PHIP: variants seen among roughly 807,000 people sequenced by gnomAD.
PHIP encodes the protein PHIP subunit of CUL4-Ring ligase complex.
PHIP carries 54 observed loss-of-function variants against 236.8 expected under a neutral mutation model. That is an observed-to-expected ratio of 0.23 (90% CI 0.18 to 0.29). The LOEUF (loss-of-function observed/expected upper bound fraction) is 0.29, where lower values mean the gene tolerates loss of function less well. Ranked by LOEUF, PHIP falls within the 10% of genes least tolerant of loss-of-function variation. The pLI, the probability that PHIP is intolerant of heterozygous loss-of-function variation, is 1.00. For synonymous variants in PHIP, 756 were observed against 718.9 expected (o/e 1.05, Z -0.83); for missense variants, 1,370 against 2,190.8 (o/e 0.63, Z 7.48).
intron 9 of PHIP, among the ~76,000 whole-genome samples, chr6:79,022,275 G>A (rs1771157597): frequency 6.6e-6 from 1 of 152,104 alleles, no homozygotes; most frequent in African/African-American, 2.4e-5. Flanking sequence ...AAATGAGTGT[G>A]ATACATGTAA....
intron 39 of PHIP, 152 bp downstream of exon 39, chr6:78,945,148 A>C (rs116682867): frequency 1.6e-4 from 102 of 619,654 alleles, no homozygotes; most frequent in Non-Finnish European, 2.6e-4. Flanking sequence ...CAGTGGCACA[A>C]TAATAGCTCA....
intron 15 of PHIP, among the ~76,000 whole-genome samples, chr6:79,007,685 C>T (rs1464285507): frequency 1.4e-5 from 2 of 138,762 alleles, no homozygotes; most frequent in Non-Finnish European, 3.1e-5. Context: ...TTAAGCACAC[C>T]GTTCATTAGA....
At chr6:79,051,989 G>A (rs1582288810) in intron 6 of PHIP, among the ~76,000 whole-genome samples, 2 of 151,868 alleles carry the variant, frequency 1.3e-5, no homozygotes, top group Non-Finnish European at 2.9e-5. Context: ...GCACCTATAT[G>A]AGCCAAATAT....
chr6:78,980,007 AG>A (rs1413913923), intron 23 of PHIP, among the ~76,000 whole-genome samples: 1 of 152,014 alleles, frequency 6.6e-6, no homozygotes, highest in South Asian at 2.1e-4. Flanking sequence ...GTTAGGGTAA[AG>A]GTCTTTGGAA....
chr6:78,944,065 A>T (rs892307681), intron 39 of PHIP, among the ~76,000 whole-genome samples: 3 of 151,490 alleles, frequency 2.0e-5, no homozygotes, highest in African/African-American at 7.3e-5. Flanking sequence ...CCTAAAGAAG[A>T]CGATATTTTA....
intron 24 of PHIP, among the ~76,000 whole-genome samples, chr6:78,972,748 C>G (rs964608644): frequency 6.6e-6 from 1 of 151,634 alleles, no homozygotes; most frequent in Non-Finnish European, 1.5e-5. Flanking sequence ...CCTCAGGAGC[C>G]GATGCGATGA....
intron 4 of PHIP, among the ~76,000 whole-genome samples, chr6:79,075,004 G>C (rs1257901553): frequency 6.6e-6 from 1 of 152,048 alleles, no homozygotes; most frequent in African/African-American, 2.4e-5. Context: ...TTTCCAGGTA[G>C]AGTAGAAACT....
At chr6:79,059,764 A>G (rs1406798279) in intron 6 of PHIP, among the ~76,000 whole-genome samples, 1 of 151,680 alleles carries the variant, frequency 6.6e-6, no homozygotes, top group Non-Finnish European at 1.5e-5. Context: ...AGTGGAAAAG[A>G]AGCTATGATT....
chr6:79,037,456 T>A (rs1282378902), intron 7 of PHIP, among the ~76,000 whole-genome samples: 1 of 152,170 alleles, frequency 6.6e-6, no homozygotes, highest in Non-Finnish European at 1.5e-5. Context: ...ATTTCCAAGG[T>A]TTTTCCCCAT....
Position 78,970,814 on chromosome 6 carries a change from G to C in PHIP, c.2964C>G (p.Pro988=). The C allele has an allele frequency of 6.2e-7, 1 of 1,609,496 alleles. No homozygotes were observed. Among genetic ancestry groups the C allele is most frequent in the Non-Finnish European group, 8.5e-7 (1 of 1,178,020 alleles). Residue 988 remains proline, a synonymous_variant, in exon 25 of 40, where the codon CCC becomes CCG. Coordinates refer to ENST00000275034, the MANE Select transcript of PHIP (RefSeq NM_017934.7). ...CCATTTTATGCCATGGTTGTTTTTT[G>C]GGATTGATACTATATATTTTATTTT... is the stretch of plus-strand genomic sequence containing the variant. ...ARKNKIYSIN[P]KKQPWHKMEL...
chr6:79,078,147 A>T lies in PHIP; in HGVS notation c.-79T>A. ...CGGGGACGGTGCCGCCGCCTGCCCT[A>T]TAGCTGTCAGTGTGTGTTCACGAGC... is the stretch of plus-strand genomic sequence containing the variant. On this transcript the variant is annotated 5_prime_UTR_variant, in exon 1 of 40. Coordinates refer to ENST00000275034, the MANE Select transcript of PHIP (RefSeq NM_017934.7). 7.0e-7 allele frequency: 1 copy of T among 1,433,216 alleles called. No homozygotes were observed. Among genetic ancestry groups the T allele is most frequent in the Non-Finnish European group, 9.7e-7 (1 of 1,032,124 alleles). The allele number at this position is 1,433,216 out of a possible 1,614,324, so 88.8% of individuals were successfully genotyped here.
At chr6:78,977,432 G>A (rs1165641568) in intron 24 of PHIP, among the ~76,000 whole-genome samples, 3 of 152,072 alleles carry the variant, frequency 2.0e-5, no homozygotes, top group Non-Finnish European at 4.4e-5. Context: ...GCTAGATGAC[G>A]AGTTAGTGGG....
intron 35 of PHIP, among the ~76,000 whole-genome samples, chr6:78,951,827 G>A (rs1174141138): frequency 6.6e-6 from 1 of 152,096 alleles, no homozygotes; most frequent in Non-Finnish European, 1.5e-5. Flanking sequence ...CATATAACTG[G>A]TGCACTGGAC....
At chr6:79,003,896 T>A in intron 15 of PHIP, 38 bp from the exon 16 acceptor site, 1 of 1,438,776 alleles carries the variant, frequency 7.0e-7, no homozygotes, top group Non-Finnish European at 9.5e-7. Context: ...AAACTACCAT[T>A]AAAATGAAAA....
intron 39 of PHIP, among the ~76,000 whole-genome samples, 198 bp downstream of exon 39, chr6:78,945,102 G>A (rs1367279474): frequency 8.5e-6 from 1 of 117,336 alleles, no homozygotes; most frequent in Non-Finnish European, 1.8e-5. Flanking sequence ...TTTTTCTTTT[G>A]AGACAGGGTC....
intron 15 of PHIP, among the ~76,000 whole-genome samples, chr6:79,009,583 C>G (rs1232246828): frequency 6.6e-6 from 1 of 151,862 alleles, no homozygotes. Context: ...CTAAAAAGAC[C>G]ACGTCTTATT....
intron 4 of PHIP, among the ~76,000 whole-genome samples, chr6:79,071,769 C>T (rs958059988): frequency 2.0e-5 from 3 of 152,000 alleles, no homozygotes; most frequent in Non-Finnish European, 1.5e-5. Context: ...ATTACTTGTT[C>T]AGAGTAAGTT....
At chr6:79,018,974 T>C (rs181049363) in intron 10 of PHIP, 115 bp downstream of exon 10, 14 of 681,256 alleles carry the variant, frequency 2.1e-5, no homozygotes, top group African/African-American at 1.6e-4. Context: ...CTGGCATATG[T>C]ATAAGAACAT....
chr6:79,048,609 A>G (rs1004866688), intron 6 of PHIP, among the ~76,000 whole-genome samples: 2 of 152,214 alleles, frequency 1.3e-5, no homozygotes, highest in African/African-American at 4.8e-5. Context: ...CCATGGTTAA[A>G]AAAGATGACT....
Sources: allele counts gnomAD v4.1 joint callset (sites outside exome capture counted in the v4.1 genomes callset), GRCh38; gene constraint gnomAD v4.1.1; transcripts MANE v1.5; gene names NCBI Gene and HGNC (gene_info 2026-07-23, HGNC 2026-07-21).